GULP1: variants seen among roughly 807,000 people sequenced by gnomAD.
GULP1 encodes GULP PTB domain containing engulfment adaptor 1.
In GULP1, 19 loss-of-function variants were observed where a neutral mutation model predicts 40.9. The observed-to-expected ratio is 0.46, with a 90% CI of 0.32 to 0.68. The LOEUF is 0.68. GULP1 is among the 30% of genes least tolerant of loss of function. The pLI, the probability that GULP1 is intolerant of heterozygous loss-of-function variation, is 0.03. For missense variants in GULP1, 312 were observed against 362.2 expected (o/e 0.86, Z 1.12); for synonymous variants, 119 against 117.6 (o/e 1.01, Z -0.08).
intron 9 of GULP1, among the ~76,000 whole-genome samples, chr2:188,578,989 T>A (rs1287578032): frequency 6.6e-6 from 1 of 152,152 alleles, no homozygotes; most frequent in Non-Finnish European, 1.5e-5. Context: ...GCCATTTAGG[T>A]GCTACATCCG....
intron 1 of GULP1, among the ~76,000 whole-genome samples, chr2:188,382,505 G>T (rs1029512525): frequency 2.6e-5 from 4 of 152,016 alleles, no homozygotes; most frequent in Non-Finnish European, 4.4e-5. Flanking sequence ...TAAACTTCTC[G>T]CATTGAAGTT....
intron 11 of GULP1, chr2:188,590,025 T>C: frequency 5.1e-6 from 1 of 197,438 alleles, no homozygotes; most frequent in Non-Finnish European, 1.0e-5. Context: ...CAAGCTGGAG[T>C]GCAGTGGCAT....
rs141002126 is a variant in GULP1 at position 188,520,223 on chromosome 2, G to A, written c.91-2533G>A. 3.8e-3 allele frequency among the ~76,000 whole-genome samples: 580 copies of A among 152,134 alleles called. 6 individuals carry two copies. Among genetic ancestry groups the A allele is most frequent in the African/African-American group, 0.013 (549 of 41,494 alleles). On this transcript the variant is annotated intron_variant, in intron 4 of 11. Transcript: ENST00000409830. ...TTATCTAGGGCCTCTTAACAATTTG[G>A]TATATTTCAAGCATATTAAAAAAGG... is the stretch of plus-strand genomic sequence containing the variant.
At chr2:188,568,450 C>T (rs1698298685) in intron 7 of GULP1, among the ~76,000 whole-genome samples, 1 of 152,118 alleles carries the variant, frequency 6.6e-6, no homozygotes, top group African/African-American at 2.4e-5. Flanking sequence ...AAGAAATGAG[C>T]TTGTGGATGT....
chr2:188,526,022 C>T (rs1384736572), intron 5 of GULP1, among the ~76,000 whole-genome samples: 1 of 151,962 alleles, frequency 6.6e-6, no homozygotes, highest in Non-Finnish European at 1.5e-5. Flanking sequence ...AATTTTATTG[C>T]CTAACACTCT....
chr2:188,541,580 G>A (rs1690500231), intron 7 of GULP1: 2 of 567,874 alleles, frequency 3.5e-6, no homozygotes, highest in South Asian at 5.0e-5. Context: ...GCCTGCTTAT[G>A]TTATGCATGT....
At chr2:188,499,135 GTATATATATA>G (rs893185238) in intron 4 of GULP1, among the ~76,000 whole-genome samples, 144 of 56,364 alleles carry the variant, frequency 2.6e-3, no homozygotes, top group South Asian at 9.0e-3. Flanking sequence ...ATATGTGTGT[GTATATATATA>G]TATATATATA....
At position 188,314,451 on chromosome 2, in the gene GULP1, TTGCATAC is replaced by T. The variant is rs566052927; in HGVS notation, c.-172+22287_-172+22293del. On this transcript the variant is annotated intron_variant, in intron 1 of 11. Transcript: ENST00000409830. ...TCTCCATTTTTCATGATTTAGTTTCTTGCATACTCAACAACCTCTCTCCTCCCACTTG... is the reference window on the plus strand; with the variant it reads ...TCTCCATTTTTCATGATTTAGTTTCTTCAACAACCTCTCTCCTCCCACTTG... Among the ~76,000 whole-genome samples the T allele has an allele frequency of 5.8e-4, 88 of 152,300 alleles. 1 individual carries two copies. Among genetic ancestry groups the T allele is most frequent in the African/African-American group, 2.0e-3 (84 of 41,570 alleles).
At chr2:188,448,708 G>A (rs570166975) in intron 2 of GULP1, among the ~76,000 whole-genome samples, 1 of 152,282 alleles carries the variant, frequency 6.6e-6, no homozygotes, top group South Asian at 2.1e-4. Context: ...ATGTTGAAAG[G>A]TAATCCCCAA....
chr2:188,522,598 CATATA>C (rs1685130347), intron 4 of GULP1, 153 bp from the exon 5 acceptor site: 2 of 214,002 alleles, frequency 9.3e-6, no homozygotes, highest in Non-Finnish European at 1.8e-5. Flanking sequence ...GTTACATTTT[CATATA>C]ATATAAAAAT....
chr2:188,424,422 T>C (rs1345233759), intron 2 of GULP1, among the ~76,000 whole-genome samples: 1 of 151,972 alleles, frequency 6.6e-6, no homozygotes, highest in African/African-American at 2.4e-5. Context: ...ATGATCATTC[T>C]GTTCATGTAT....
intron 6 of GULP1, among the ~76,000 whole-genome samples, chr2:188,531,143 T>A (rs1242675022): frequency 6.6e-6 from 1 of 152,184 alleles, no homozygotes; most frequent in East Asian, 1.9e-4. Flanking sequence ...GGATGCTTGT[T>A]AGAAATGTTG....
chr2:188,473,021 G>T (rs1382226463), intron 2 of GULP1, among the ~76,000 whole-genome samples: 1 of 151,958 alleles, frequency 6.6e-6, no homozygotes, highest in African/African-American at 2.4e-5. Context: ...TAATGCTGTG[G>T]TTCTTAGAGA....
intron 7 of GULP1, among the ~76,000 whole-genome samples, chr2:188,553,241 G>A (rs1457776166): frequency 6.6e-6 from 1 of 151,946 alleles, no homozygotes; most frequent in Non-Finnish European, 1.5e-5. Context: ...ATGAAGGTGG[G>A]CATTCTTGTC....
intron 4 of GULP1, among the ~76,000 whole-genome samples, chr2:188,496,271 T>C (rs1183474680): frequency 6.6e-6 from 1 of 151,964 alleles, no homozygotes; most frequent in African/African-American, 2.4e-5. Flanking sequence ...AAACTAGCTT[T>C]CTAGTTCCCC....
intron 2 of GULP1, among the ~76,000 whole-genome samples, chr2:188,443,053 GT>G (rs2058071476): frequency 6.6e-6 from 1 of 152,142 alleles, no homozygotes; most frequent in Admixed American, 6.5e-5. Context: ...ACTGTTCATA[GT>G]TTTAAATATT....
chr2:188,563,544 TA>T (rs1294703908), intron 7 of GULP1, among the ~76,000 whole-genome samples: 2 of 149,814 alleles, frequency 1.3e-5, no homozygotes, highest in Non-Finnish European at 3.0e-5. Flanking sequence ...TAAAAAATTA[TA>T]TTTTTTTTAT....
intron 2 of GULP1, among the ~76,000 whole-genome samples, chr2:188,461,205 G>GT (rs1278726148): frequency 2.0e-5 from 3 of 151,312 alleles, no homozygotes; most frequent in African/African-American, 7.3e-5. Context: ...CTCCACCTCT[G>GT]TTTTTCGAAT....
chr2:188,353,678 C>G (rs931521696), intron 1 of GULP1, among the ~76,000 whole-genome samples: 2 of 151,710 alleles, frequency 1.3e-5, no homozygotes, highest in African/African-American at 4.8e-5. Flanking sequence ...TCTTGAATGC[C>G]CAGAGTAGGT....
Sources: gnomAD v4.1 joint callset for allele counts (sites outside exome capture counted in the v4.1 genomes callset) on GRCh38, gnomAD v4.1.1 for gene constraint, MANE v1.5 for transcripts, NCBI Gene and HGNC (gene_info 2026-07-23, HGNC 2026-07-21) for gene names.